Variants in NTAQ1 observed in about 807,000 individuals in gnomAD.
The protein encoded by NTAQ1 is N-terminal glutamine amidase 1, also known as protein N-terminal glutamine amidohydrolase.
Under a neutral mutation model 28.2 loss-of-function variants are expected in NTAQ1, and 21 were observed. The observed-to-expected ratio is 0.74, with a 90% CI of 0.53 to 1.07. The LOEUF (loss-of-function observed/expected upper bound fraction) is 1.07, where lower values mean the gene tolerates loss of function less well. NTAQ1 is among the 50% of genes least tolerant of loss of function. The pLI, the probability that NTAQ1 is intolerant of heterozygous loss-of-function variation, is 0.00. For synonymous variants in NTAQ1, 105 were observed against 90.0 expected (o/e 1.17, Z -0.94); for missense variants, 264 against 256.6 (o/e 1.03, Z -0.20).
chr8:123,436,450 T>A lies in NTAQ1; in HGVS notation c.235-3T>A. 6.2e-7 allele frequency: 1 copy of A among 1,612,174 alleles called. No individual in the cohort carries two copies. The highest frequency in any genetic ancestry group is 8.5e-7 in the Non-Finnish European group (1 of 1,179,292). On this transcript the variant is annotated splice_region_variant and splice_polypyrimidine_tract_variant and intron_variant, in intron 3 of 5. Coordinates refer to ENST00000287387, the MANE Select transcript of NTAQ1 (RefSeq NM_018024.3). Reference sequence around the variant, plus strand: ...GGTTAACTTCAGCAACTTTTACTTTTAGGATTACCATGTTGTTTTGCTTCA... The same window carrying A: ...GGTTAACTTCAGCAACTTTTACTTTAAGGATTACCATGTTGTTTTGCTTCA...
intron 6 of NTAQ1, among the ~76,000 whole-genome samples, chr8:123,458,797 T>G (rs1430692801): frequency 1.3e-5 from 2 of 152,000 alleles, no homozygotes; most frequent in Non-Finnish European, 2.9e-5. Context: ...ATTTTTTGTA[T>G]TTTTAGTAGA....
chr8:123,465,641 G>A (rs1386044934), intron 6 of NTAQ1, among the ~76,000 whole-genome samples: 2 of 140,030 alleles, frequency 1.4e-5, no homozygotes, highest in Non-Finnish European at 3.0e-5. Context: ...GAGTGCAGTG[G>A]CACGATCTTG....
chr8:123,470,927 T>TC (rs1403170289), downstream of NTAQ1, among the ~76,000 whole-genome samples: 1 of 151,046 alleles, frequency 6.6e-6, no homozygotes, highest in Non-Finnish European at 1.5e-5. Context: ...TCTTTTTTTT[T>TC]TTTCTTTTTT....
intron 6 of NTAQ1, among the ~76,000 whole-genome samples, chr8:123,458,900 G>T (rs746881528): frequency 5.9e-5 from 9 of 151,982 alleles, no homozygotes; most frequent in Non-Finnish European, 1.2e-4. Context: ...GATTACACGC[G>T]TGAGCCACCT....
downstream of NTAQ1, among the ~76,000 whole-genome samples, chr8:123,451,578 G>T (rs555388544): frequency 4.0e-5 from 6 of 151,824 alleles, no homozygotes; most frequent in African/African-American, 1.4e-4. Context: ...ACTTCAATTG[G>T]TCCGCCCACT....
intron 3 of NTAQ1, among the ~76,000 whole-genome samples, chr8:123,431,220 C>A (rs2130247449): frequency 6.6e-6 from 1 of 151,900 alleles, no homozygotes; most frequent in African/African-American, 2.4e-5. Context: ...GCCTGTAATC[C>A]CAGCTACTCG....
chr8:123,451,022 G>A (rs957776876), downstream of NTAQ1, among the ~76,000 whole-genome samples: 12 of 152,190 alleles, frequency 7.9e-5, no homozygotes, highest in Admixed American at 7.2e-4. Context: ...GGCTGTCTCT[G>A]TGATTTCAGC....
At chr8:123,465,765 A>G (rs897739710) in intron 6 of NTAQ1, among the ~76,000 whole-genome samples, 3 of 151,716 alleles carry the variant, frequency 2.0e-5, no homozygotes, top group Admixed American at 6.6e-5. Flanking sequence ...TGTTTTCAGT[A>G]GAGATGGGGT....
intron 1 of NTAQ1, among the ~76,000 whole-genome samples, chr8:123,418,409 G>A (rs1813442420): frequency 6.9e-6 from 1 of 145,726 alleles, no homozygotes; most frequent in African/African-American, 2.6e-5. Flanking sequence ...TGATGCCACT[G>A]CCCCTTCCTG....
downstream of NTAQ1, among the ~76,000 whole-genome samples, chr8:123,450,951 T>C (rs1323239098): frequency 6.6e-6 from 1 of 152,226 alleles, no homozygotes; most frequent in Non-Finnish European, 1.5e-5. Context: ...GGCCTCAGCA[T>C]GTCCTTAAGC....
intron 5 of NTAQ1, among the ~76,000 whole-genome samples, chr8:123,437,696 C>A (rs559831760): frequency 1.0e-3 from 130 of 129,424 alleles, no homozygotes; most frequent in African/African-American, 3.7e-3. Context: ...GAGTGAGACT[C>A]CATCTCAAAA....
At chr8:123,451,918 G>T (rs776249957), downstream of NTAQ1, among the ~76,000 whole-genome samples, 5 of 152,140 alleles carry the variant, frequency 3.3e-5, no homozygotes, top group Admixed American at 2.0e-4. Flanking sequence ...AGATGATCTT[G>T]TCCTTTTTCA....
At chr8:123,438,094 AG>A (rs1400633266) in intron 5 of NTAQ1, 7 of 689,968 alleles carry the variant, frequency 1.0e-5, no homozygotes, top group African/African-American at 3.5e-5. Flanking sequence ...GAGCGCTAGC[AG>A]GTTTTATTGT....
At chr8:123,448,543 C>T (rs919644856), downstream of NTAQ1, among the ~76,000 whole-genome samples, 2 of 152,162 alleles carry the variant, frequency 1.3e-5, no homozygotes, top group East Asian at 1.9e-4. Flanking sequence ...TGCTTGAACC[C>T]GGGAGGTGGA....
downstream of NTAQ1, among the ~76,000 whole-genome samples, chr8:123,443,765 G>T (rs1815166951): frequency 6.6e-6 from 1 of 152,124 alleles, no homozygotes; most frequent in East Asian, 1.9e-4. Context: ...TAGAGATGGG[G>T]TTTTGCCACA....
At chr8:123,423,419 T>TC (rs1813849162) in intron 1 of NTAQ1, among the ~76,000 whole-genome samples, 2 of 136,626 alleles carry the variant, frequency 1.5e-5, no homozygotes, top group Non-Finnish European at 3.4e-5. Flanking sequence ...TCCTTTTCCT[T>TC]CTCTTCTGTT....
chr8:123,437,732 CAAAAAAT>C (rs1814814090), intron 5 of NTAQ1, among the ~76,000 whole-genome samples: 4 of 145,364 alleles, frequency 2.8e-5, no homozygotes, highest in Non-Finnish European at 6.0e-5. Context: ...AAACAAAAAA[CAAAAAAT>C]TCCATGAATG....
chr8:123,438,430 T>C (rs750977829), intron 5 of NTAQ1, among the ~76,000 whole-genome samples: 3 of 151,988 alleles, frequency 2.0e-5, no homozygotes, highest in Non-Finnish European at 4.4e-5. Context: ...CTGAGGTGGG[T>C]GGACCACCTG....
intron 1 of NTAQ1, among the ~76,000 whole-genome samples, chr8:123,422,559 G>T (rs974270202): frequency 6.6e-6 from 1 of 151,178 alleles, no homozygotes; most frequent in Non-Finnish European, 1.5e-5. Context: ...TTACAAGCAC[G>T]AGCCTCACCA....
Sources: gnomAD v4.1 joint callset for allele counts (sites outside exome capture counted in the v4.1 genomes callset) on GRCh38, gnomAD v4.1.1 for gene constraint, MANE v1.5 for transcripts, NCBI Gene and HGNC (gene_info 2026-07-23, HGNC 2026-07-21) for gene names.